Variants in KLHL25 observed in about 807,000 individuals in gnomAD.
KLHL25 encodes the protein kelch like family member 25, also known as kelch-like protein 25.
In KLHL25, 41 loss-of-function variants were observed where a neutral mutation model predicts 30.0. That is an observed-to-expected ratio of 1.37 (90% CI 1.07 to 1.78). The LOEUF (loss-of-function observed/expected upper bound fraction) is 1.78, where lower values mean the gene tolerates loss of function less well. Ranked by LOEUF, KLHL25 falls within the 40% of genes most tolerant of loss-of-function variation. The pLI is 0.00. For missense variants in KLHL25, 971 were observed against 824.5 expected (o/e 1.18, Z -2.18); for synonymous variants, 399 against 355.3 (o/e 1.12, Z -1.38).
chr15:85,779,809 T>C (rs958276682), intron 1 of KLHL25, among the ~76,000 whole-genome samples: 3 of 152,212 alleles, frequency 2.0e-5, no homozygotes, highest in Admixed American at 1.3e-4. Flanking sequence ...CAACTGTAAA[T>C]TGTAATGTCT....
intron 1 of KLHL25, among the ~76,000 whole-genome samples, chr15:85,784,357 C>T (rs574390277): frequency 1.3e-5 from 2 of 152,098 alleles, no homozygotes; most frequent in East Asian, 1.9e-4. Context: ...GATGAAACCC[C>T]GGTATCTACT....
chr15:85,763,847 G>A (rs945646148), intron 2 of KLHL25: 1 of 152,296 alleles, frequency 6.6e-6, no homozygotes, highest in Non-Finnish European at 1.5e-5. Context: ...GGAGCGGGGT[G>A]GTCACAGAAG....
rs112474077 is a variant in KLHL25, at chr15:85,778,256, C to G, written c.-10-8436G>C. ...TAAATGCTTGGCCTGGAAAGACACA[C>G]AGCACTTCTATTCACATCTCACTGG... On this transcript the variant is annotated intron_variant, in intron 1 of 2. Transcript: ENST00000337975. Among the ~76,000 whole-genome samples, 541 of 152,348 alleles carry G rather than the reference C, an allele frequency of 3.6e-3. 1 individual carries two copies. The highest frequency in any genetic ancestry group is 5.5e-3 in the Non-Finnish European group (373 of 68,030).
At chr15:85,791,401 G>A (rs1441131989) in intron 1 of KLHL25, among the ~76,000 whole-genome samples, 5 of 152,066 alleles carry the variant, frequency 3.3e-5, no homozygotes, top group South Asian at 2.1e-4. Context: ...AGGCTGAGGC[G>A]GGAGAATCAC....
chr15:85,780,097 T>C lies in KLHL25; in HGVS notation c.-10-10277A>G, dbSNP rs1255007810. Among the ~76,000 whole-genome samples, 3 of 152,164 alleles carry C rather than the reference T, an allele frequency of 2.0e-5. No individual in the cohort carries two copies. The East Asian group carries it at 5.8e-4, about 29-fold the overall frequency. On this transcript the variant is annotated intron_variant, in intron 1 of 2. Transcript: ENST00000337975. ...CTAAACTGTCAAGGCAGATGGAAGG[T>C]GCCGCCTGGCTTCTACCTGCCACAT...
At chr15:85,779,702 C>G (rs1270302233) in intron 1 of KLHL25, among the ~76,000 whole-genome samples, 3 of 152,208 alleles carry the variant, frequency 2.0e-5, no homozygotes, top group Non-Finnish European at 4.4e-5. Flanking sequence ...GCCCTCACTA[C>G]TGAACAAAGA....
chr15:85,771,272 C>G (rs980427186), intron 1 of KLHL25: 3 of 152,244 alleles, frequency 2.0e-5, no homozygotes, highest in African/African-American at 7.3e-5. Flanking sequence ...TCTTGACCCC[C>G]TAAAAGCCTG....
Position 85,763,031 on chromosome 15 carries a change from A to C in KLHL25, c.*25-2020T>G, listed in dbSNP as rs998381126. On this transcript the variant is annotated intron_variant, in intron 2 of 2. Coordinates refer to ENST00000337975, the MANE Select transcript of KLHL25 (RefSeq NM_022480.4). The stretch of plus-strand genomic sequence containing the variant: ...CTGCCTTGCATTCGGCAGCCCCCCC[A>C]TGCTGGAGGCGGGTGGGAAAGAAGG... 10 of 151,414 alleles carry C rather than the reference A, an allele frequency of 6.6e-5. No individual in the cohort carries two copies. The East Asian group carries it at 2.0e-3, about 30-fold the overall frequency. 9.4% of individuals were successfully genotyped at this position (151,414 alleles called of 1,614,324 possible).
intron 1 of KLHL25, among the ~76,000 whole-genome samples, chr15:85,775,616 G>T (rs971494222): frequency 6.6e-6 from 1 of 152,056 alleles, no homozygotes; most frequent in Non-Finnish European, 1.5e-5. Flanking sequence ...TTGGAACTTG[G>T]GCCTGACTGC....
rs117490081 is a variant in KLHL25, at chr15:85,771,754, G to A, written c.-10-1934C>T. 4.9e-4 allele frequency among the ~76,000 whole-genome samples: 75 copies of A among 152,346 alleles called. 1 individual carries two copies. The East Asian group carries it at 0.013, about 27-fold the overall frequency. On this transcript the variant is annotated intron_variant, in intron 1 of 2. Coordinates refer to ENST00000337975, the MANE Select transcript of KLHL25 (RefSeq NM_022480.4). ...GGGGGTTGGGGTGAGAGCACTGGAC[G>A]CAGATCCAGGCTGTATCCTGGCTCC...
intron 1 of KLHL25, among the ~76,000 whole-genome samples, chr15:85,774,147 G>A (rs1279479999): frequency 6.6e-6 from 1 of 152,164 alleles, no homozygotes; most frequent in East Asian, 1.9e-4. Context: ...CAGGCCCCGG[G>A]AAGCCTCCCT....
chr15:85,768,555 G>A lies in KLHL25; in HGVS notation c.1256C>T (p.Pro419Leu). 2 of 1,613,386 alleles carry A rather than the reference G, an allele frequency of 1.2e-6. No individual in the cohort carries two copies. Among genetic ancestry groups the A allele is most frequent in the Non-Finnish European group, 1.7e-6 (2 of 1,179,648 alleles). ...CACCATCATCCACTTGTTGGCCCCA[G>A]GGTCGTATTTCTCCACTTGTTTCAG... ...VSLKQVEKYDPGANKWMMVAP... is the reference protein window; with the variant it reads ...VSLKQVEKYDLGANKWMMVAP... Residue 419 changes from proline to leucine, a missense_variant, in exon 2 of 3, where the codon CCT becomes CTT. Transcript: ENST00000337975.
chr15:85,775,021 C>T (rs1211753497), intron 1 of KLHL25, among the ~76,000 whole-genome samples: 4 of 152,058 alleles, frequency 2.6e-5, no homozygotes, highest in Admixed American at 6.6e-5. Context: ...GGATTACAGG[C>T]GCCCGCCACC....
intron 1 of KLHL25, among the ~76,000 whole-genome samples, chr15:85,792,490 C>T (rs904508960): frequency 5.3e-5 from 8 of 152,172 alleles, no homozygotes; most frequent in Admixed American, 2.6e-4. Flanking sequence ...GGACTAGGGG[C>T]TCAGACAATG....
chr15:85,776,553 T>C (rs917561902), intron 1 of KLHL25, among the ~76,000 whole-genome samples: 1 of 151,958 alleles, frequency 6.6e-6, no homozygotes, highest in Non-Finnish European at 1.5e-5. Context: ...GATCTTGTTA[T>C]TTAAACTGTA....
intron 1 of KLHL25, among the ~76,000 whole-genome samples, chr15:85,775,657 C>T (rs1424825189): frequency 6.6e-6 from 1 of 151,944 alleles, no homozygotes; most frequent in East Asian, 1.9e-4. Flanking sequence ...CTCAGGAAGG[C>T]GGAGGTGTTC....
Position 85,768,016 on chromosome 15 carries a change from C to G in KLHL25, c.*24+1G>C. ...GTGGCCGTGGGCTGCCAGGGACTCA[C>G]CTGGCTGGGCTCAGCAGGTGCTCCT... On this transcript the variant is annotated splice_donor_variant, in intron 2 of 2. Coordinates refer to ENST00000337975, the MANE Select transcript of KLHL25 (RefSeq NM_022480.4). LOFTEE classifies it low-confidence loss of function (3UTR_SPLICE). The G allele has an allele frequency of 6.3e-7, 1 of 1,590,760 alleles. No homozygotes were observed. The highest frequency in any genetic ancestry group is 1.1e-5 in the South Asian group (1 of 88,598).
chr15:85,784,313 GA>G (rs1163595815), intron 1 of KLHL25, among the ~76,000 whole-genome samples: 1 of 152,158 alleles, frequency 6.6e-6, no homozygotes, highest in African/African-American at 2.4e-5. Context: ...CGGATCACCG[GA>G]GGTCAGGAGT....
chr15:85,787,146 A>G (rs1027688432), intron 1 of KLHL25, among the ~76,000 whole-genome samples: 3 of 115,322 alleles, frequency 2.6e-5, no homozygotes, highest in Non-Finnish European at 5.1e-5. Flanking sequence ...AAAAATGTGG[A>G]TAACATCAAA....
Sources: gnomAD v4.1 joint callset for allele counts (sites outside exome capture counted in the v4.1 genomes callset) on GRCh38, gnomAD v4.1.1 for gene constraint, MANE v1.5 for transcripts, NCBI Gene and HGNC (gene_info 2026-07-23, HGNC 2026-07-21) for gene names.